The following PCDH15 variants were observed in gnomAD, a reference collection of about 807,000 sequenced individuals.
The protein encoded by PCDH15 is protocadherin related 15, also known as protocadherin-15.
A neutral mutation model predicts 178.5 loss-of-function variants in PCDH15; 129 were observed. That is an observed-to-expected ratio of 0.72 (90% CI 0.63 to 0.84). The LOEUF is 0.84. Ranked by LOEUF, PCDH15 falls within the 40% of genes least tolerant of loss-of-function variation. The pLI is 0.00. For missense variants in PCDH15, 2,230 were observed against 2,099.9 expected, an observed-to-expected ratio of 1.06 and a Z score of -1.21; for synonymous variants, 800 against 732.0, an observed-to-expected ratio of 1.09 and a Z score of -1.50.
At chr10:54,871,753 T>C (rs1954045386) in intron 3 of PCDH15, among the ~76,000 whole-genome samples, 1 of 152,072 alleles carries the variant, frequency 6.6e-6, no homozygotes, top group South Asian at 2.1e-4. Flanking sequence ...TTTTACTAAA[T>C]ATTGTCATCC....
At chr10:55,327,272 T>A (rs765562860) in intron 2 of PCDH15, among the ~76,000 whole-genome samples, 1 of 152,130 alleles carries the variant, frequency 6.6e-6, no homozygotes, top group African/African-American at 2.4e-5. Context: ...GGTGCCTTGA[T>A]GATGAACTTC....
intron 21 of PCDH15, among the ~76,000 whole-genome samples, chr10:53,978,929 T>G (rs971839353): frequency 6.6e-6 from 1 of 152,110 alleles, no homozygotes; most frequent in Non-Finnish European, 1.5e-5. Flanking sequence ...CCATATCACT[T>G]TCAGCAGTTT....
At chr10:55,615,463 T>C (rs1843454585) in intron 2 of PCDH15, among the ~76,000 whole-genome samples, 1 of 152,122 alleles carries the variant, frequency 6.6e-6, no homozygotes, top group Non-Finnish European at 1.5e-5. Flanking sequence ...AAAACAGCAA[T>C]AAATGGGATA....
chr10:54,119,880 G>A (rs114645757), intron 15 of PCDH15, among the ~76,000 whole-genome samples: 48,507 of 151,512 alleles, frequency 0.32, 8,757 homozygotes, highest in Non-Finnish European at 0.42. Context: ...TCATCCACCC[G>A]CGATCTACAT....
At chr10:54,796,624 T>A (rs1417281936) in intron 1 of PCDH15, among the ~76,000 whole-genome samples, 2 of 151,900 alleles carry the variant, frequency 1.3e-5, no homozygotes, top group African/African-American at 4.8e-5. Context: ...TCTCAGTTTC[T>A]CTTTCTGTTC....
chr10:54,509,820 G>A (rs1375391030), intron 3 of PCDH15, among the ~76,000 whole-genome samples: 2 of 152,130 alleles, frequency 1.3e-5, no homozygotes, highest in Non-Finnish European at 2.9e-5. Context: ...TGTTTCTCAA[G>A]TGCTAATAAC....
At chr10:54,063,327 CTT>C (rs1322859578) in intron 18 of PCDH15, among the ~76,000 whole-genome samples, 1 of 152,200 alleles carries the variant, frequency 6.6e-6, no homozygotes, top group Non-Finnish European at 1.5e-5. Context: ...ATACAACTAA[CTT>C]TCCCTAACAG....
At chr10:54,737,585 T>G (rs1944281765) in intron 1 of PCDH15, among the ~76,000 whole-genome samples, 1 of 152,106 alleles carries the variant, frequency 6.6e-6, no homozygotes, top group Admixed American at 6.6e-5. Flanking sequence ...GGCCATTTTC[T>G]TATTCTAATT....
chr10:54,763,213 G>A (rs1344590677), intron 1 of PCDH15, among the ~76,000 whole-genome samples: 3 of 152,102 alleles, frequency 2.0e-5, no homozygotes, highest in Non-Finnish European at 2.9e-5. Context: ...AAAAAGAAAC[G>A]CAGGGCTTTC....
rs1232110344 is a variant in PCDH15 at position 54,023,115 on chromosome 10, T to A, written c.2303A>T (p.Asn768Ile). The A allele has an allele frequency of 6.2e-7, 1 of 1,613,786 alleles. No homozygotes were observed. The highest frequency in any genetic ancestry group is 1.3e-5 in the African/African-American group (1 of 74,894). Residue 768 changes from asparagine (N) to isoleucine (I), a missense_variant, in exon 19 of 38, where the codon AAT becomes ATT. Coordinates refer to ENST00000644397, the MANE Select transcript of PCDH15 (RefSeq NM_001384140.1). ...CTTCACTGCTGTGTAAATGCTCCCATTGGATGTGATACGAAAAAGATTATT... is the reference window on the plus strand; with the variant it reads ...CTTCACTGCTGTGTAAATGCTCCCAATGGATGTGATACGAAAAAGATTATT... The part of the protein sequence containing the change: ...NFNNLFRITS[N>I]GSIYTAVKLN...
At chr10:53,836,808 A>G (rs2077333734) in intron 29 of PCDH15, among the ~76,000 whole-genome samples, 1 of 152,226 alleles carries the variant, frequency 6.6e-6, no homozygotes, top group Non-Finnish European at 1.5e-5. Context: ...AGATAGAGAT[A>G]ACCCAGATAT....
intron 3 of PCDH15, among the ~76,000 whole-genome samples, chr10:54,507,468 GCTTC>G (rs2081266186): frequency 6.6e-6 from 1 of 151,532 alleles, no homozygotes; most frequent in Non-Finnish European, 1.5e-5. Context: ...TGAAAACTAT[GCTTC>G]CTTCAGCTAC....
chr10:55,609,011 T>TACACAC (rs10627574), intron 2 of PCDH15, among the ~76,000 whole-genome samples: 166 of 143,256 alleles, frequency 1.2e-3, no homozygotes, highest in South Asian at 8.1e-3. Context: ...ATGTTATATA[T>TACACAC]ATATACACAC....
Position 54,222,359 on chromosome 10 carries a change from T to C in PCDH15, c.986-8311A>G, listed in dbSNP as rs1196561911. 2.6e-5 allele frequency among the ~76,000 whole-genome samples: 4 copies of C among 152,220 alleles called. No individual in the cohort carries two copies. The East Asian group carries it at 5.8e-4, about 22-fold the overall frequency. On this transcript the variant is annotated intron_variant, in intron 9 of 37. Coordinates refer to ENST00000644397, the MANE Select transcript of PCDH15 (RefSeq NM_001384140.1). ...TTTTCCTTCCCCAAAGTTAAATCTT[T>C]AGCAATGACTGATTTGTTCATCACC...
At chr10:53,945,324 C>A (rs2086447368) in intron 23 of PCDH15, among the ~76,000 whole-genome samples, 1 of 151,996 alleles carries the variant, frequency 6.6e-6, no homozygotes, top group African/African-American at 2.4e-5. Flanking sequence ...ATTTTATATA[C>A]TTATGGTGTA....
chr10:53,859,335 G>A (rs1351017816), intron 27 of PCDH15, among the ~76,000 whole-genome samples: 2 of 152,170 alleles, frequency 1.3e-5, no homozygotes, highest in Middle Eastern at 3.2e-3. Flanking sequence ...TATGGATAGG[G>A]TGAGTAGTAG....
At chr10:54,158,577 A>C (rs2045391259) in intron 13 of PCDH15, among the ~76,000 whole-genome samples, 1 of 152,216 alleles carries the variant, frequency 6.6e-6, no homozygotes, top group African/African-American at 2.4e-5. Context: ...TTTTGGCTGC[A>C]GTTTACTACT....
intron 2 of PCDH15, among the ~76,000 whole-genome samples, chr10:55,545,818 C>T (rs1841868069): frequency 2.6e-5 from 4 of 151,166 alleles, no homozygotes. Context: ...ATTTTTTTTT[C>T]AGTTGGGTTA....
chr10:55,194,866 C>G (rs1420227560), intron 1 of PCDH15, among the ~76,000 whole-genome samples: 1 of 151,894 alleles, frequency 6.6e-6, no homozygotes, highest in Non-Finnish European at 1.5e-5. Context: ...TTCCTAATAG[C>G]CTTTGTCTCA....
Sources: gnomAD v4.1 joint callset for allele counts (sites outside exome capture counted in the v4.1 genomes callset) on GRCh38, gnomAD v4.1.1 for gene constraint, MANE v1.5 for transcripts, NCBI Gene and HGNC (gene_info 2026-07-23, HGNC 2026-07-21) for gene names.